ZBTB7C: variants seen among roughly 807,000 people sequenced by gnomAD.
ZBTB7C encodes the protein zinc finger and BTB domain containing 7C.
In ZBTB7C, 8 loss-of-function variants were observed where a neutral mutation model predicts 25.7. The ratio of observed to expected loss-of-function variants is 0.31; its 90% CI spans 0.18 to 0.56. The LOEUF (loss-of-function observed/expected upper bound fraction) is 0.56, where lower values mean the gene tolerates loss of function less well. Among genes scored for constraint, ZBTB7C ranks in the 20% least tolerant of loss-of-function variants. The probability of loss-of-function intolerance (pLI) is 0.91; values close to 1 mark genes in which losing one functional copy is unlikely to be tolerated. For missense variants in ZBTB7C, 824 were observed against 855.2 expected (o/e 0.96, Z 0.46); for synonymous variants, 394 against 369.0 (o/e 1.07, Z -0.78).
intron 4 of ZBTB7C, among the ~76,000 whole-genome samples, chr18:48,038,541 A>ACTCATCTTT (rs2036074628): frequency 6.8e-6 from 1 of 146,452 alleles, no homozygotes. Flanking sequence ...ACTTTAGAGG[A>ACTCATCTTT]CTCATCTTTT....
At chr18:48,259,646 A>T (rs1370105228) in intron 2 of ZBTB7C, among the ~76,000 whole-genome samples, 1 of 152,240 alleles carries the variant, frequency 6.6e-6, no homozygotes, top group Admixed American at 6.5e-5. Flanking sequence ...TATCTGGAGT[A>T]TATAACTCCC....
At chr18:48,096,603 G>A (rs1016271474) in intron 3 of ZBTB7C, among the ~76,000 whole-genome samples, 32 of 152,220 alleles carry the variant, frequency 2.1e-4, no homozygotes, top group African/African-American at 7.5e-4. Context: ...TGTTGCTGGG[G>A]CAACTACTCC....
At chr18:48,364,406 G>C (rs1178246471) in intron 1 of ZBTB7C, among the ~76,000 whole-genome samples, 1 of 152,122 alleles carries the variant, frequency 6.6e-6, no homozygotes, top group Admixed American at 6.6e-5. Flanking sequence ...GCAGCATTTG[G>C]GCCTGACCTT....
intron 1 of ZBTB7C, among the ~76,000 whole-genome samples, chr18:48,392,097 C>T (rs1203619656): frequency 1.3e-5 from 2 of 152,168 alleles, no homozygotes; most frequent in East Asian, 3.9e-4. Context: ...CACCAGCTGG[C>T]AAAGGCTGAA....
At chr18:48,269,784 G>A (rs960340528) in intron 2 of ZBTB7C, among the ~76,000 whole-genome samples, 101 of 152,288 alleles carry the variant, frequency 6.6e-4, no homozygotes, top group African/African-American at 2.3e-3. Context: ...CACTTTGATC[G>A]GCAAATGGTT....
intron 2 of ZBTB7C, among the ~76,000 whole-genome samples, chr18:48,234,896 C>A (rs897528979): frequency 6.6e-6 from 1 of 152,152 alleles, no homozygotes; most frequent in Non-Finnish European, 1.5e-5. Flanking sequence ...AGAAGTGATA[C>A]CTTCCTAGAG....
intron 2 of ZBTB7C, among the ~76,000 whole-genome samples, chr18:48,264,934 G>A (rs2044268432): frequency 6.6e-6 from 1 of 152,230 alleles, no homozygotes; most frequent in Non-Finnish European, 1.5e-5. Context: ...GAAAGTAAAA[G>A]ACAGAATGGT....
chr18:48,362,066 T>C (rs550229081), intron 1 of ZBTB7C, among the ~76,000 whole-genome samples: 38 of 152,296 alleles, frequency 2.5e-4, no homozygotes, highest in African/African-American at 8.9e-4. Flanking sequence ...TCCTAGCAGA[T>C]GAAGTGACTG....
chr18:48,105,763 T>C (rs1325420644), intron 3 of ZBTB7C, among the ~76,000 whole-genome samples: 1 of 152,200 alleles, frequency 6.6e-6, no homozygotes, highest in Non-Finnish European at 1.5e-5. Flanking sequence ...TAGAATGTGC[T>C]AAATTCCATG....
chr18:48,360,873 T>C (rs1402920189), intron 1 of ZBTB7C, among the ~76,000 whole-genome samples: 2 of 152,076 alleles, frequency 1.3e-5, no homozygotes, highest in Non-Finnish European at 2.9e-5. Context: ...GGAGGTCTCC[T>C]TGTGGGTTAT....
chr18:48,173,662 G>A (rs184855808), intron 3 of ZBTB7C, among the ~76,000 whole-genome samples: 19 of 152,356 alleles, frequency 1.2e-4, no homozygotes, highest in Non-Finnish European at 1.8e-4. Context: ...TGCCAGGCCT[G>A]CACTTGCATG....
At chr18:48,262,275 C>T (rs1222141835) in intron 2 of ZBTB7C, among the ~76,000 whole-genome samples, 1 of 152,188 alleles carries the variant, frequency 6.6e-6, no homozygotes, top group Non-Finnish European at 1.5e-5. Flanking sequence ...GCACTTCATG[C>T]TTCCAGCCTC....
At chr18:48,129,411 T>G (rs1245971434) in intron 3 of ZBTB7C, among the ~76,000 whole-genome samples, 3 of 151,488 alleles carry the variant, frequency 2.0e-5, no homozygotes, top group Non-Finnish European at 2.9e-5. Flanking sequence ...ACATGTTCCT[T>G]TCAAAGCTGC....
At chr18:48,241,175 T>C (rs900513683) in intron 2 of ZBTB7C, among the ~76,000 whole-genome samples, 4 of 152,162 alleles carry the variant, frequency 2.6e-5, no homozygotes, top group African/African-American at 9.7e-5. Flanking sequence ...TATATGCACC[T>C]AACACTGCAA....
chr18:48,213,816 C>T (rs557228442), intron 2 of ZBTB7C, among the ~76,000 whole-genome samples: 21 of 152,278 alleles, frequency 1.4e-4, no homozygotes, highest in African/African-American at 4.1e-4. Flanking sequence ...AACTGGCTAA[C>T]GGGCAATGTC....
chr18:48,359,100 C>A (rs375339652), intron 1 of ZBTB7C, among the ~76,000 whole-genome samples: 2 of 152,064 alleles, frequency 1.3e-5, no homozygotes, highest in South Asian at 4.1e-4. Context: ...ACTTACTGCC[C>A]GGAGTACATC....
rs141671144 is a variant in ZBTB7C, at chr18:48,162,732, C to G, written c.-17+23202G>C. Among the ~76,000 whole-genome samples, 88 of 152,294 alleles carry G rather than the reference C, an allele frequency of 5.8e-4. No individual in the cohort carries two copies. The East Asian group carries it at 0.016, about 28-fold the overall frequency. On this transcript the variant is annotated intron_variant, in intron 3 of 4. Transcript: ENST00000590800. ...ACAGGAAAATAGGGACCGTAATGCC[C>G]ATCTTCCGGGGCCAATGCTGGATTC...
chr18:48,385,975 ATAT>A (rs758956559), intron 1 of ZBTB7C, among the ~76,000 whole-genome samples: 3 of 152,104 alleles, frequency 2.0e-5, no homozygotes, highest in Non-Finnish European at 2.9e-5. Flanking sequence ...TTAGTCACAG[ATAT>A]TATACAATAT....
intron 2 of ZBTB7C, among the ~76,000 whole-genome samples, chr18:48,267,782 G>C (rs980160422): frequency 1.3e-5 from 2 of 152,136 alleles, no homozygotes; most frequent in African/African-American, 4.8e-5. Context: ...CTTACACCAC[G>C]TGAGAACACA....
Sources: allele counts gnomAD v4.1 joint callset (sites outside exome capture counted in the v4.1 genomes callset), GRCh38; gene constraint gnomAD v4.1.1; transcripts MANE v1.5; gene names NCBI Gene and HGNC (gene_info 2026-07-23, HGNC 2026-07-21).